The following CEP112 variants were observed in gnomAD, a reference collection of about 807,000 sequenced individuals.
The protein encoded by CEP112 is centrosomal protein of 112 kDa.
Under a neutral mutation model 153.0 loss-of-function variants are expected in CEP112, and 127 were observed. The observed-to-expected ratio is 0.83, with a 90% confidence interval of 0.72 to 0.96. The LOEUF (loss-of-function observed/expected upper bound fraction) is 0.96, where lower values mean the gene tolerates loss of function less well. Ranked by LOEUF, CEP112 falls within the 40% of genes least tolerant of loss-of-function variation. CEP112 has a pLI of 0.00. For missense variants in CEP112, 1,089 were observed against 1,101.2 expected (o/e 0.99, Z 0.16); for synonymous variants, 358 against 374.4 (o/e 0.96, Z 0.51).
At chr17:65,961,774 G>T (rs958079732) in intron 17 of CEP112, among the ~76,000 whole-genome samples, 176 bp from the exon 18 acceptor site, 2 of 152,044 alleles carry the variant, frequency 1.3e-5, no homozygotes, top group African/African-American at 2.4e-5. Context: ...AGAGAAAAAG[G>T]GTATAAACAT....
chr17:65,967,331 G>C (rs2062450929), intron 17 of CEP112, among the ~76,000 whole-genome samples: 1 of 152,168 alleles, frequency 6.6e-6, no homozygotes, highest in African/African-American at 2.4e-5. Flanking sequence ...ACGCCAACTG[G>C]ATTTGAATCA....
intron 5 of CEP112, among the ~76,000 whole-genome samples, chr17:66,132,166 CTCAAAAAAAAAAAAAA>C (rs1568529152): frequency 4.0e-5 from 1 of 25,106 alleles, no homozygotes; most frequent in Non-Finnish European, 6.2e-5. Flanking sequence ...GAGACTCCAT[CTCAAAAAAAAAAAAAA>C]AAAAAAAAAA....
intron 16 of CEP112, among the ~76,000 whole-genome samples, chr17:66,014,188 G>A (rs1389240737): frequency 1.3e-5 from 2 of 152,188 alleles, no homozygotes; most frequent in African/African-American, 4.8e-5. Context: ...CAGCATGGGG[G>A]AGGCTGCAGT....
chr17:65,931,565 A>T (rs1648892709), intron 18 of CEP112, among the ~76,000 whole-genome samples: 1 of 152,306 alleles, frequency 6.6e-6, no homozygotes, highest in South Asian at 2.1e-4. Flanking sequence ...GATCAGCTAT[A>T]AACAATGAAG....
chr17:65,655,200 T>C (rs1016016584), intron 24 of CEP112: 1 of 779,748 alleles, frequency 1.3e-6, no homozygotes, highest in Non-Finnish European at 2.4e-6. Context: ...GCTGTCTCAC[T>C]GGCGCTTGTT....
At chr17:65,802,052 G>C (rs1165671556) in intron 21 of CEP112, among the ~76,000 whole-genome samples, 3 of 152,148 alleles carry the variant, frequency 2.0e-5, no homozygotes, top group African/African-American at 7.2e-5. Flanking sequence ...TGGTGATACT[G>C]TTTATTTAGT....
intron 21 of CEP112, among the ~76,000 whole-genome samples, chr17:65,842,148 T>A (rs1364856604): frequency 6.6e-6 from 1 of 152,042 alleles, no homozygotes; most frequent in Non-Finnish European, 1.5e-5. Context: ...CTCTGAGGAA[T>A]ACAGAACTCC....
intron 22 of CEP112, 98 bp downstream of exon 22, chr17:65,750,564 A>G (rs2051764092): frequency 2.1e-6 from 2 of 961,848 alleles, no homozygotes; most frequent in Non-Finnish European, 3.3e-6. Context: ...AAAAAACTGA[A>G]AAGAATGAAG....
intron 23 of CEP112, among the ~76,000 whole-genome samples, chr17:65,741,605 GA>G (rs1450909701): frequency 6.6e-6 from 1 of 151,510 alleles, no homozygotes; most frequent in African/African-American, 2.4e-5. Flanking sequence ...ATTCTTTCAA[GA>G]TTTTTTTAAT....
At chr17:65,848,971 A>T (rs1222486199) in intron 21 of CEP112, among the ~76,000 whole-genome samples, 1 of 152,134 alleles carries the variant, frequency 6.6e-6, no homozygotes, top group African/African-American at 2.4e-5. Flanking sequence ...ACATCTTGCC[A>T]ACACCAAGAG....
chr17:66,172,826 T>A (rs2072302286), intron 4 of CEP112, among the ~76,000 whole-genome samples: 1 of 152,206 alleles, frequency 6.6e-6, no homozygotes, highest in Non-Finnish European at 1.5e-5. Flanking sequence ...AAAACAATGG[T>A]TATAAATCAA....
chr17:66,076,284 G>T lies in CEP112; in HGVS notation c.769-6283C>A, dbSNP rs186486468. On this transcript the variant is annotated intron_variant, in intron 8 of 26. Coordinates refer to ENST00000535342, the MANE Select transcript of CEP112 (RefSeq NM_001199165.4). ...GTAAGAACCAAAGCCCTCTTCTTTTGCAGCTGGGAACTAGGTAGCCTGGGG... is the reference window on the plus strand; with the variant it reads ...GTAAGAACCAAAGCCCTCTTCTTTTTCAGCTGGGAACTAGGTAGCCTGGGG... Among the ~76,000 whole-genome samples, 490 of 152,200 alleles carry T rather than the reference G, an allele frequency of 3.2e-3. 3 individuals carry two copies. The highest frequency in any genetic ancestry group is 0.011 in the African/African-American group (471 of 41,524).
chr17:65,957,641 C>T (rs1224555344), intron 18 of CEP112, among the ~76,000 whole-genome samples: 1 of 151,968 alleles, frequency 6.6e-6, no homozygotes, highest in Non-Finnish European at 1.5e-5. Flanking sequence ...CTAATCAATA[C>T]CATTTTACTA....
At chr17:65,640,322 T>G (rs1208066022) in intron 25 of CEP112, among the ~76,000 whole-genome samples, 1 of 151,478 alleles carries the variant, frequency 6.6e-6, no homozygotes. Flanking sequence ...CCCCGCTAAT[T>G]TTTGTATTTT....
At chr17:66,031,213 C>A (rs1362390941) in intron 12 of CEP112, among the ~76,000 whole-genome samples, 1 of 152,138 alleles carries the variant, frequency 6.6e-6, no homozygotes, top group Admixed American at 6.5e-5. Flanking sequence ...ATTCTAAACA[C>A]CCTTTATGTC....
At chr17:66,029,801 G>C in intron 13 of CEP112, 68 bp downstream of exon 13, 1 of 1,331,046 alleles carries the variant, frequency 7.5e-7, no homozygotes, top group South Asian at 1.5e-5. Context: ...AATTTTGGCA[G>C]ATAACTGATA....
chr17:66,114,695 G>T (rs2069203287), intron 6 of CEP112, among the ~76,000 whole-genome samples: 1 of 152,024 alleles, frequency 6.6e-6, no homozygotes, highest in South Asian at 2.1e-4. Context: ...GGACTCTCAT[G>T]CAGAATAGAG....
At chr17:66,074,779 C>T (rs577330826) in intron 8 of CEP112, among the ~76,000 whole-genome samples, 81 of 142,648 alleles carry the variant, frequency 5.7e-4, no homozygotes, top group Middle Eastern at 3.6e-3. Flanking sequence ...AGGAGAATTG[C>T]TTGAACCCAG....
chr17:65,978,676 T>C (rs371631267), intron 17 of CEP112, among the ~76,000 whole-genome samples: 1 of 152,270 alleles, frequency 6.6e-6, no homozygotes, highest in Non-Finnish European at 1.5e-5. Flanking sequence ...TCATTGCTAA[T>C]GCAAATTTTG....
Sources: allele counts gnomAD v4.1 joint callset (sites outside exome capture counted in the v4.1 genomes callset), GRCh38; gene constraint gnomAD v4.1.1; transcripts MANE v1.5; gene names NCBI Gene and HGNC (gene_info 2026-07-23, HGNC 2026-07-21).